The following MSRA variants were observed in gnomAD, a reference collection of about 807,000 sequenced individuals.
The protein encoded by MSRA is methionine sulfoxide reductase A.
In MSRA, 54 loss-of-function variants were observed where a neutral mutation model predicts 31.3. The ratio of observed to expected loss-of-function variants is 1.73; its 90% CI spans 1.39 to 2.17. The LOEUF is 2.17. Ranked by LOEUF, MSRA falls within the 30% of genes most tolerant of loss-of-function variation. The pLI is 0.00. For synonymous variants in MSRA, 169 were observed against 116.5 expected, an observed-to-expected ratio of 1.45 and a Z score of -2.90; for missense variants, 507 against 300.9, an observed-to-expected ratio of 1.69 and a Z score of -5.07.
chr8:10,117,559 G>C (rs1349875285), intron 1 of MSRA, among the ~76,000 whole-genome samples: 1 of 152,150 alleles, frequency 6.6e-6, no homozygotes, highest in East Asian at 1.9e-4. Flanking sequence ...ATGAATCCTA[G>C]CTGTTGGGAG....
chr8:10,359,185 C>A (rs1026520396), intron 5 of MSRA, among the ~76,000 whole-genome samples: 1 of 152,150 alleles, frequency 6.6e-6, no homozygotes, highest in African/African-American at 2.4e-5. Context: ...CCTTGACTTG[C>A]TTTTCTTTAT....
intron 1 of MSRA, among the ~76,000 whole-genome samples, chr8:10,136,782 G>T (rs1802314633): frequency 6.6e-6 from 1 of 152,146 alleles, no homozygotes; most frequent in South Asian, 2.1e-4. Flanking sequence ...CTTCATTGCT[G>T]TTGGGGGTTT....
intron 1 of MSRA, among the ~76,000 whole-genome samples, chr8:10,186,632 G>T (rs1585121720): frequency 6.6e-6 from 1 of 152,112 alleles, no homozygotes; most frequent in South Asian, 2.1e-4. Context: ...TCATCACTGT[G>T]TTAGTTCTCC....
At chr8:10,122,318 G>C (rs910989087) in intron 1 of MSRA, among the ~76,000 whole-genome samples, 25 of 152,238 alleles carry the variant, frequency 1.6e-4, no homozygotes, top group African/African-American at 6.0e-4. Context: ...CACCCGCCTG[G>C]AGAAGCATAC....
chr8:10,373,872 G>T (rs1238608998), intron 5 of MSRA, among the ~76,000 whole-genome samples: 1 of 152,322 alleles, frequency 6.6e-6, no homozygotes, highest in East Asian at 1.9e-4. Flanking sequence ...GAGAAGTGCG[G>T]TGTCTGTACA....
intron 5 of MSRA, among the ~76,000 whole-genome samples, chr8:10,391,378 C>T (rs1174802779): frequency 3.9e-5 from 6 of 152,180 alleles, no homozygotes; most frequent in African/African-American, 1.4e-4. Flanking sequence ...CAGATTGGCC[C>T]TGGATAGGGG....
chr8:10,225,139 GAATA>G (rs1171567311), intron 2 of MSRA, among the ~76,000 whole-genome samples: 4 of 152,104 alleles, frequency 2.6e-5, no homozygotes, highest in Non-Finnish European at 5.9e-5. Context: ...TCCATCTCAA[GAATA>G]AATAAATAAA....
At chr8:10,103,662 C>A (rs1799679874) in intron 1 of MSRA, among the ~76,000 whole-genome samples, 1 of 152,152 alleles carries the variant, frequency 6.6e-6, no homozygotes, top group Non-Finnish European at 1.5e-5. Context: ...GTACCTAATT[C>A]TGTATGCTTT....
At chr8:10,411,636 G>T (rs1282703948) in intron 5 of MSRA, 1 of 152,320 alleles carries the variant, frequency 6.6e-6, no homozygotes, top group African/African-American at 2.4e-5. Flanking sequence ...ACCTGCCCTA[G>T]GGCAAGAGAA....
intron 1 of MSRA, among the ~76,000 whole-genome samples, chr8:10,139,194 T>G (rs986433921): frequency 6.6e-6 from 1 of 152,230 alleles, no homozygotes; most frequent in Non-Finnish European, 1.5e-5. Context: ...AGAAAGAATC[T>G]GAGAATGTTA....
chr8:10,428,251 C>A lies in MSRA; in HGVS notation c.647C>A (p.Pro216His), dbSNP rs140209581. Reference sequence around the variant, plus strand: ...CACCAGCAGTACCTGAGCAAGAACCCCAATGGCTACTGCGGCCTTGGGGGC... The same window carrying A: ...CACCAGCAGTACCTGAGCAAGAACCACAATGGCTACTGCGGCCTTGGGGGC... ...DYHQQYLSKN[P>H]NGYCGLGGTG... Residue 216 changes from proline to histidine, a missense_variant, in exon 6 of 6, where the codon CCC (proline) becomes CAC (histidine). By Grantham distance (77) the Pro-to-His change is moderately conservative. Coordinates refer to ENST00000317173, the MANE Select transcript of MSRA (RefSeq NM_012331.5). The A allele has an allele frequency of 1.1e-5, 17 of 1,614,072 alleles. No individual in the cohort carries two copies. In the African/African-American group the frequency reaches 2.3e-4, roughly 22 times the overall value.
At chr8:10,242,334 G>T (rs973251420) in intron 2 of MSRA, among the ~76,000 whole-genome samples, 3 of 152,070 alleles carry the variant, frequency 2.0e-5, no homozygotes, top group African/African-American at 7.2e-5. Flanking sequence ...TATAATGTCA[G>T]GGGTGGACAC....
At chr8:10,346,592 G>C (rs1017499072) in intron 5 of MSRA, among the ~76,000 whole-genome samples, 1 of 152,238 alleles carries the variant, frequency 6.6e-6, no homozygotes, top group Non-Finnish European at 1.5e-5. Flanking sequence ...GCAAGCGGAA[G>C]AGAGAAAGCT....
chr8:10,054,894 C>T (rs1219325887), intron 1 of MSRA, among the ~76,000 whole-genome samples: 2 of 152,198 alleles, frequency 1.3e-5, no homozygotes, highest in Non-Finnish European at 2.9e-5. Flanking sequence ...ACTGGGCATT[C>T]TGAAGGAATC....
At chr8:10,392,182 G>A (rs145085935) in intron 5 of MSRA, among the ~76,000 whole-genome samples, 34 of 152,286 alleles carry the variant, frequency 2.2e-4, no homozygotes, top group African/African-American at 7.9e-4. Context: ...GCTAGACTAG[G>A]TCAGGGGCAT....
chr8:10,337,222 C>G (rs1048623546), intron 5 of MSRA: 1 of 152,774 alleles, frequency 6.5e-6, no homozygotes, highest in Non-Finnish European at 1.5e-5. Context: ...CTCTGTCACC[C>G]AGGCTGGAGT....
At chr8:10,226,425 G>A (rs1811005164) in intron 2 of MSRA, among the ~76,000 whole-genome samples, 1 of 152,060 alleles carries the variant, frequency 6.6e-6, no homozygotes, top group Non-Finnish European at 1.5e-5. Flanking sequence ...TCTTCATCTG[G>A]GACCTCTTTC....
At chr8:10,315,701 G>A (rs1011269957) in intron 4 of MSRA, among the ~76,000 whole-genome samples, 1 of 152,112 alleles carries the variant, frequency 6.6e-6, no homozygotes, top group Non-Finnish European at 1.5e-5. Flanking sequence ...CATATAGTGG[G>A]GCACTTTGGC....
intron 1 of MSRA, among the ~76,000 whole-genome samples, chr8:10,071,114 C>T (rs1222419175): frequency 6.6e-6 from 1 of 152,178 alleles, no homozygotes; most frequent in African/African-American, 2.4e-5. Flanking sequence ...TTGATATTCC[C>T]ACCAGCAACA....
Sources: gnomAD v4.1 joint callset for allele counts (sites outside exome capture counted in the v4.1 genomes callset) on GRCh38, gnomAD v4.1.1 for gene constraint, MANE v1.5 for transcripts, NCBI Gene and HGNC (gene_info 2026-07-23, HGNC 2026-07-21) for gene names.